Variants in OPCML observed in about 807,000 individuals in gnomAD.
The protein encoded by OPCML is opioid binding protein/cell adhesion molecule like, also known as opioid-binding protein/cell adhesion molecule.
OPCML carries 13 observed loss-of-function variants against 37.8 expected under a neutral mutation model. The ratio of observed to expected loss-of-function variants is 0.34; its 90% confidence interval spans 0.22 to 0.55. The LOEUF is 0.55. Ranked by LOEUF, OPCML falls within the 20% of genes least tolerant of loss-of-function variation. The pLI is 0.91. For missense variants in OPCML, 341 were observed against 435.6 expected (o/e 0.78, Z 1.93); for synonymous variants, 176 against 168.8 (o/e 1.04, Z -0.33).
chr11:133,413,214 G>A (rs1381280888), intron 1 of OPCML, among the ~76,000 whole-genome samples: 1 of 151,984 alleles, frequency 6.6e-6, no homozygotes, highest in Non-Finnish European at 1.5e-5. Context: ...GGAGAAGCCG[G>A]GAGACCGAGG....
intron 1 of OPCML, among the ~76,000 whole-genome samples, chr11:133,388,156 C>T (rs1945097744): frequency 6.6e-6 from 1 of 152,164 alleles, no homozygotes; most frequent in African/African-American, 2.4e-5. Flanking sequence ...AGGACCATGG[C>T]TGGCCCATAG....
At chr11:133,434,683 G>A (rs537679414) in intron 1 of OPCML, among the ~76,000 whole-genome samples, 8 of 150,902 alleles carry the variant, frequency 5.3e-5, no homozygotes, top group African/African-American at 1.9e-4. Context: ...AATGGGAGGG[G>A]GAAAAAGTTT....
At chr11:133,462,068 T>C (rs1946873066) in intron 1 of OPCML, among the ~76,000 whole-genome samples, 1 of 151,952 alleles carries the variant, frequency 6.6e-6, no homozygotes. Context: ...GAAAACTAGA[T>C]ATTCATATGC....
chr11:133,360,409 C>T (rs967880089), intron 1 of OPCML: 1 of 152,216 alleles, frequency 6.6e-6, no homozygotes, highest in Non-Finnish European at 1.5e-5. Flanking sequence ...CCGACGATGC[C>T]CGCAGGGGAA....
At position 133,498,730 on chromosome 11, in the gene OPCML, A is replaced by G. The variant is rs184386641; in HGVS notation, c.61+33534T>C. Among the ~76,000 whole-genome samples, 488 of 152,332 alleles carry G rather than the reference A, an allele frequency of 3.2e-3. 4 individuals are homozygous for G. The highest frequency in any genetic ancestry group is 5.3e-3 in the Non-Finnish European group (359 of 68,024). ...TTTTATGCTCCACTTAATAGGAAGG[A>G]TATGAAAACCAGGGAGGTCCCAAAG... On this transcript the variant is annotated intron_variant, in intron 1 of 7. Transcript: ENST00000524381.
chr11:132,812,726 A>G (rs973263802), intron 2 of OPCML, among the ~76,000 whole-genome samples: 2 of 152,148 alleles, frequency 1.3e-5, no homozygotes, highest in African/African-American at 4.8e-5. Flanking sequence ...TCTTATCACT[A>G]ATTCATCTCC....
chr11:133,252,943 C>T (rs1255208386), intron 1 of OPCML, among the ~76,000 whole-genome samples: 1 of 151,990 alleles, frequency 6.6e-6, no homozygotes, highest in Admixed American at 6.5e-5. Context: ...GTCGAGAGTT[C>T]GAGACCAGCC....
chr11:133,448,157 T>C (rs946504126), intron 1 of OPCML, among the ~76,000 whole-genome samples: 2 of 152,250 alleles, frequency 1.3e-5, no homozygotes, highest in Non-Finnish European at 2.9e-5. Context: ...TTCTAGAAGT[T>C]TTATAGTTTT....
rs116556357 is a variant in OPCML at position 132,902,146 on chromosome 11, T to G, written c.146+40780A>C. Among the ~76,000 whole-genome samples, 1,126 of 152,178 alleles carry G rather than the reference T, an allele frequency of 7.4e-3. 16 individuals carry two copies. The highest frequency in any genetic ancestry group is 0.023 in the African/African-American group (956 of 41,522). Reference sequence around the variant, plus strand: ...AATGGTCAATAAATCAAGCTCGGGGTCCAGGAATTTATGGATTATAGCTGG... The same window carrying G: ...AATGGTCAATAAATCAAGCTCGGGGGCCAGGAATTTATGGATTATAGCTGG... On this transcript the variant is annotated intron_variant, in intron 2 of 7. Transcript: ENST00000524381.
chr11:133,261,490 G>A (rs187130385), intron 1 of OPCML, among the ~76,000 whole-genome samples: 2 of 151,916 alleles, frequency 1.3e-5, no homozygotes, highest in Admixed American at 6.6e-5. Context: ...GTCTGCGTCC[G>A]GCTCTCTTCA....
chr11:133,243,956 C>T (rs1475734642), intron 1 of OPCML, among the ~76,000 whole-genome samples: 1 of 152,122 alleles, frequency 6.6e-6, no homozygotes, highest in South Asian at 2.1e-4. Context: ...CTAAAGGCAT[C>T]GAGGGAGCTG....
At chr11:133,148,764 C>T (rs1273206003) in intron 1 of OPCML, among the ~76,000 whole-genome samples, 1 of 152,158 alleles carries the variant, frequency 6.6e-6, no homozygotes, top group Non-Finnish European at 1.5e-5. Context: ...GTGAGCTGTC[C>T]AGGATCAGAG....
intron 1 of OPCML, among the ~76,000 whole-genome samples, chr11:133,074,171 A>T (rs1948587049): frequency 1.3e-5 from 2 of 152,330 alleles, no homozygotes; most frequent in African/African-American, 4.8e-5. Context: ...TACTTGAAAC[A>T]TCTATATCTT....
chr11:132,965,535 G>A (rs1373087628), intron 1 of OPCML, among the ~76,000 whole-genome samples: 1 of 151,780 alleles, frequency 6.6e-6, no homozygotes. Context: ...GTTGTTTTTT[G>A]TTTGTTTGTT....
intron 1 of OPCML, chr11:133,005,512 G>A: frequency 1.0e-6 from 1 of 985,340 alleles, no homozygotes; most frequent in Non-Finnish European, 1.2e-6. Context: ...GGTAGAGTGA[G>A]TGCAGCTTAT....
intron 1 of OPCML, among the ~76,000 whole-genome samples, chr11:133,189,340 G>C (rs1938213181): frequency 6.6e-6 from 1 of 152,162 alleles, no homozygotes; most frequent in Non-Finnish European, 1.5e-5. Context: ...TTTTATTAGA[G>C]AAGCAAGGTG....
At chr11:133,528,609 C>T (rs1306204138) in intron 1 of OPCML, among the ~76,000 whole-genome samples, 1 of 152,208 alleles carries the variant, frequency 6.6e-6, no homozygotes, top group Admixed American at 6.5e-5. Context: ...GGGGACTTCC[C>T]TGAAGGAAGA....
Position 132,877,729 on chromosome 11 carries a change from A to G in OPCML, c.146+65197T>C, listed in dbSNP as rs1398576220. Among the ~76,000 whole-genome samples the G allele has an allele frequency of 2.0e-5, 3 of 152,160 alleles. No individual in the cohort carries two copies. The East Asian group carries it at 5.8e-4, about 29-fold the overall frequency. ...ATTCACTAGTACTCTACCCTATCCT[A>G]GACTTTACTCTGTGCTCAGTCTCCA... On this transcript the variant is annotated intron_variant, in intron 2 of 7. Coordinates refer to ENST00000524381, the MANE Select transcript of OPCML (RefSeq NM_001012393.5).
intron 2 of OPCML, among the ~76,000 whole-genome samples, chr11:132,731,415 C>G (rs1945071207): frequency 6.6e-6 from 1 of 152,312 alleles, no homozygotes; most frequent in South Asian, 2.1e-4. Flanking sequence ...AAGCTTGGTT[C>G]TCTTAGATAA....
Sources: gnomAD v4.1 joint callset for allele counts (sites outside exome capture counted in the v4.1 genomes callset) on GRCh38, gnomAD v4.1.1 for gene constraint, MANE v1.5 for transcripts, NCBI Gene and HGNC (gene_info 2026-07-23, HGNC 2026-07-21) for gene names.